The following RNF11 variants were observed in gnomAD, a reference collection of about 807,000 sequenced individuals.
RNF11 encodes ring finger protein 11.
Under a neutral mutation model 15.8 loss-of-function variants are expected in RNF11, and 4 were observed. That is an observed-to-expected ratio of 0.25 (90% confidence interval 0.12 to 0.58). RNF11 has a LOEUF of 0.58. RNF11 is among the 20% of genes least tolerant of loss of function. The pLI, the probability that RNF11 is intolerant of heterozygous loss-of-function variation, is 0.91. For synonymous variants in RNF11, 68 were observed against 72.3 expected (o/e 0.94, Z 0.30); for missense variants, 139 against 194.4 (o/e 0.71, Z 1.70).
chr1:51,262,690 G>A (rs1371403406), intron 1 of RNF11, among the ~76,000 whole-genome samples: 5 of 148,746 alleles, frequency 3.4e-5, no homozygotes, highest in African/African-American at 7.5e-5. Flanking sequence ...GGGATTACAG[G>A]TGTGCACTAC....
chr1:51,272,694 T>C lies in RNF11; in HGVS notation c.*1372T>C, dbSNP rs531718353. 6.6e-6 allele frequency: 1 copy of C among 152,326 alleles called. No individual in the cohort carries two copies. The highest frequency in any genetic ancestry group is 2.4e-5 in the African/African-American group (1 of 41,588). The allele number at this position is 152,326 out of a possible 1,614,324, so 9.4% of individuals were successfully genotyped here. On this transcript the variant is annotated 3_prime_UTR_variant, in exon 3 of 3. Transcript: ENST00000242719. ...TCATATGTACTCAAAGGTGACTTAT[T>C]GGTTCACCTCAGTGATATTACAGCT...
intron 1 of RNF11, among the ~76,000 whole-genome samples, chr1:51,268,034 A>G (rs1052865823): frequency 6.6e-6 from 1 of 152,200 alleles, no homozygotes; most frequent in Admixed American, 6.5e-5. Context: ...CCCAGCCATC[A>G]CATCTTTTAA....
chr1:51,253,308 TA>T (rs1166198120), intron 1 of RNF11, among the ~76,000 whole-genome samples: 1 of 151,972 alleles, frequency 6.6e-6, no homozygotes, highest in Non-Finnish European at 1.5e-5. Context: ...GAGGATCCCT[TA>T]AGGGAAGGAG....
intron 1 of RNF11, chr1:51,251,076 C>G: frequency 6.5e-7 from 1 of 1,547,556 alleles, no homozygotes; most frequent in African/African-American, 1.4e-5. Context: ...ACCGACGTGG[C>G]CATTGTAGTC....
chr1:51,247,429 GA>G (rs1177417105), intron 1 of RNF11, among the ~76,000 whole-genome samples: 2 of 151,410 alleles, frequency 1.3e-5, no homozygotes, highest in African/African-American at 4.9e-5. Flanking sequence ...AGGTTAAATG[GA>G]AGTATGTGGT....
chr1:51,243,687 C>T (rs1646840046), intron 1 of RNF11, among the ~76,000 whole-genome samples: 1 of 152,220 alleles, frequency 6.6e-6, no homozygotes, highest in South Asian at 2.1e-4. Context: ...AATCCACTCA[C>T]CTTGGCCTCC....
At chr1:51,239,001 A>G (rs1033573651) in intron 1 of RNF11, among the ~76,000 whole-genome samples, 7 of 152,100 alleles carry the variant, frequency 4.6e-5, no homozygotes, top group African/African-American at 1.7e-4. Flanking sequence ...AAGTGCTAGG[A>G]TTACAGGCAT....
rs753787713 is a variant in RNF11, at chr1:51,272,337, A to G, written c.*1015A>G. On this transcript the variant is annotated 3_prime_UTR_variant, in exon 3 of 3. Coordinates refer to ENST00000242719, the MANE Select transcript of RNF11 (RefSeq NM_014372.5). ...ATAGCAAAAGGATACTGCATCTCTC[A>G]TTACTGTAGTGCTGAGGTTATTGAA... 3 of 152,566 alleles carry G rather than the reference A, an allele frequency of 2.0e-5. No homozygotes were observed. Among genetic ancestry groups the G allele is most frequent in the Non-Finnish European group, 4.4e-5 (3 of 68,012 alleles). The allele number at this position is 152,566 out of a possible 1,614,324, so 9.5% of individuals were successfully genotyped here.
rs199740138 is a variant in RNF11, at chr1:51,269,882, A to G, written c.124-74A>G. 4.0e-5 allele frequency: 54 copies of G among 1,338,402 alleles called. No homozygotes were observed. In the East Asian group the frequency reaches 1.1e-3, roughly 28 times the overall value. The allele number at this position is 1,338,402 out of a possible 1,614,324, so 82.9% of individuals were successfully genotyped here. On this transcript the variant is annotated intron_variant, in intron 1 of 2. Coordinates refer to ENST00000242719, the MANE Select transcript of RNF11 (RefSeq NM_014372.5). ...CCTCCCAGGGCTCCCTTTCCCTTCT[A>G]TCTCTGACCAAAAAATAAGCCCTCG...
intron 1 of RNF11, among the ~76,000 whole-genome samples, chr1:51,245,228 T>A (rs1646846457): frequency 6.6e-6 from 1 of 151,892 alleles, no homozygotes; most frequent in Non-Finnish European, 1.5e-5. Flanking sequence ...CCTGGCTAAT[T>A]TTTATTTTTT....
At chr1:51,237,947 A>G (rs1646812466) in intron 1 of RNF11, among the ~76,000 whole-genome samples, 1 of 152,116 alleles carries the variant, frequency 6.6e-6, no homozygotes, top group African/African-American at 2.4e-5. Context: ...ATGTCTCATC[A>G]CACCAGAAAA....
At chr1:51,251,063 C>G (rs960945157) in intron 1 of RNF11, 9 of 1,545,330 alleles carry the variant, frequency 5.8e-6, no homozygotes, top group South Asian at 4.5e-5. Flanking sequence ...ACTTAACACC[C>G]AGACCGACGT....
chr1:51,264,554 G>A (rs1375341836), intron 1 of RNF11, among the ~76,000 whole-genome samples: 1 of 152,006 alleles, frequency 6.6e-6, no homozygotes, highest in Non-Finnish European at 1.5e-5. Flanking sequence ...TTCCCAGTAG[G>A]AGACTGCAGC....
At chr1:51,240,416 C>T (rs1048262440) in intron 1 of RNF11, among the ~76,000 whole-genome samples, 4 of 152,138 alleles carry the variant, frequency 2.6e-5, no homozygotes, top group Non-Finnish European at 5.9e-5. Context: ...GCAACCTGCC[C>T]TAATAACCTG....
At position 51,236,308 on chromosome 1, in the gene RNF11, C is replaced by G. The variant is rs571851078; in HGVS notation, c.-449C>G. 6.6e-6 allele frequency: 1 copy of G among 152,620 alleles called. No individual in the cohort carries two copies. The highest frequency in any genetic ancestry group is 1.5e-5 in the Non-Finnish European group (1 of 68,294). The allele number at this position is 152,620 out of a possible 1,614,324, so 9.5% of individuals were successfully genotyped here. On this transcript the variant is annotated 5_prime_UTR_variant, in exon 1 of 3. Coordinates refer to ENST00000242719, the MANE Select transcript of RNF11 (RefSeq NM_014372.5). ...CCGGCCTCGTTCTGGCTGCCGCCGT[C>G]TCGCTGAGGCGGAGTAGGATGAGGC...
intron 1 of RNF11, among the ~76,000 whole-genome samples, chr1:51,261,539 C>G (rs1646930635): frequency 6.6e-6 from 1 of 152,178 alleles, no homozygotes; most frequent in Non-Finnish European, 1.5e-5. Context: ...AGATTTGCAG[C>G]ATGAAATGGG....
Position 51,246,077 on chromosome 1 carries a change from C to T in RNF11, c.123+9198C>T, listed in dbSNP as rs557037759. On this transcript the variant is annotated intron_variant, in intron 1 of 2. Transcript: ENST00000242719. ...GGTTAGGAGTTTGAGACCAGCCTGA[C>T]CAACATAGAGAAACCCCGTCTCTAC... Among the ~76,000 whole-genome samples the T allele has an allele frequency of 1.7e-3, 261 of 152,008 alleles. 1 individual carries two copies. Among genetic ancestry groups the T allele is most frequent in the South Asian group, 0.012 (60 of 4,814 alleles).
chr1:51,241,388 G>T (rs1276551278), intron 1 of RNF11, among the ~76,000 whole-genome samples: 19 of 152,194 alleles, frequency 1.2e-4, no homozygotes, highest in Admixed American at 1.2e-3. Flanking sequence ...GGATCTTGTG[G>T]CTTCAGCCTC....
intron 1 of RNF11, among the ~76,000 whole-genome samples, chr1:51,256,320 G>A (rs753851954): frequency 7.2e-5 from 11 of 152,156 alleles, no homozygotes; most frequent in Non-Finnish European, 1.3e-4. Flanking sequence ...CATACAGTAT[G>A]TAGCCTTTTC....
Sources: allele counts gnomAD v4.1 joint callset (sites outside exome capture counted in the v4.1 genomes callset), GRCh38; gene constraint gnomAD v4.1.1; transcripts MANE v1.5; gene names NCBI Gene and HGNC (gene_info 2026-07-23, HGNC 2026-07-21).